The following FLT1 variants were observed in gnomAD, a reference collection of about 807,000 sequenced individuals.
FLT1 encodes the protein vascular endothelial growth factor receptor 1.
Under a neutral mutation model 156.3 loss-of-function variants are expected in FLT1, and 49 were observed. The ratio of observed to expected loss-of-function variants is 0.31; its 90% CI spans 0.25 to 0.40. The LOEUF (loss-of-function observed/expected upper bound fraction) is 0.40, where lower values mean the gene tolerates loss of function less well. Ranked by LOEUF, FLT1 falls within the 10% of genes least tolerant of loss-of-function variation. The pLI is 1.00. For missense variants in FLT1, 1,322 were observed against 1,637.2 expected (o/e 0.81, Z 3.32); for synonymous variants, 594 against 583.8 (o/e 1.02, Z -0.25).
rs771359404 is a variant in FLT1, at chr13:28,434,037, T to C, written c.676+21A>G. 20 of 1,614,178 alleles carry C rather than the reference T, an allele frequency of 1.2e-5. No homozygotes were observed. In the South Asian group the frequency reaches 2.0e-4, roughly 16 times the overall value. On this transcript the variant is annotated intron_variant, in intron 5 of 29. Coordinates refer to ENST00000282397, the MANE Select transcript of FLT1 (RefSeq NM_002019.4). ...TACAGAGCACTTCGGCTTATGTTCATGCCTTTGAAGCATCACTTACTTTGT... is the reference window on the plus strand; with the variant it reads ...TACAGAGCACTTCGGCTTATGTTCACGCCTTTGAAGCATCACTTACTTTGT...
chr13:28,456,711 G>A (rs1017021921), intron 3 of FLT1, among the ~76,000 whole-genome samples: 2 of 151,698 alleles, frequency 1.3e-5, no homozygotes, highest in African/African-American at 4.8e-5. Context: ...CAGGAGAATC[G>A]TTTGAACCCT....
chr13:28,301,742 T>C lies in FLT1; in HGVS notation c.*1425A>G, dbSNP rs1164825119. The C allele has an allele frequency of 4.3e-6, 1 of 233,180 alleles. No individual in the cohort carries two copies. The highest frequency in any genetic ancestry group is 2.2e-5 in the African/African-American group (1 of 45,398). 14.4% of individuals were successfully genotyped at this position (233,180 alleles called of 1,614,324 possible). On this transcript the variant is annotated 3_prime_UTR_variant, in exon 30 of 30. Coordinates refer to ENST00000282397, the MANE Select transcript of FLT1 (RefSeq NM_002019.4). ...CACTTGATCTTTAGACCCTGAAGAGTAGGCGCCCTTTCCTACCCTGTCTCC... is the reference window on the plus strand; with the variant it reads ...CACTTGATCTTTAGACCCTGAAGAGCAGGCGCCCTTTCCTACCCTGTCTCC...
At chr13:28,436,283 C>T (rs527395100) in intron 4 of FLT1, among the ~76,000 whole-genome samples, 142 of 151,874 alleles carry the variant, frequency 9.3e-4, no homozygotes, top group African/African-American at 3.2e-3. Context: ...ACCATGGCTC[C>T]GACAAAGCAG....
Position 28,430,059 on chromosome 13 carries a change from T to C in FLT1, c.1097A>G (p.Glu366Gly), listed in dbSNP as rs764034330. ...SMKVKAFPSP[E>G]VVWLKDGLPA... Reference sequence around the variant, plus strand: ...ATAAGGATGGTCCTACCATACAACTTCCGGCGAGGGAAATGCCTTCACTTT... The same window carrying C: ...ATAAGGATGGTCCTACCATACAACTCCCGGCGAGGGAAATGCCTTCACTTT... Residue 366 changes from glutamate (E) to glycine (G), a missense_variant, in exon 8 of 30, where the codon GAA becomes GGA. Glu to Gly is a moderately conservative substitution (Grantham distance 98, BLOSUM62 -2). This residue lies in a region of FLT1 where 991 missense variants were observed against 1,254.8 expected (regional missense o/e 0.79). Coordinates refer to ENST00000282397, the MANE Select transcript of FLT1 (RefSeq NM_002019.4). The C allele has an allele frequency of 1.9e-6, 3 of 1,608,786 alleles. No individual in the cohort carries two copies. The highest frequency in any genetic ancestry group is 2.6e-6 in the Non-Finnish European group (3 of 1,175,160).
intron 11 of FLT1, among the ~76,000 whole-genome samples, chr13:28,398,198 C>T (rs1875182729): frequency 6.6e-6 from 1 of 152,194 alleles, no homozygotes; most frequent in Non-Finnish European, 1.5e-5. Flanking sequence ...ACTTATAAAT[C>T]TTTGCAGCCT....
intron 14 of FLT1, among the ~76,000 whole-genome samples, chr13:28,366,210 A>G (rs528028489): frequency 2.6e-5 from 4 of 152,338 alleles, no homozygotes; most frequent in South Asian, 2.1e-4. Flanking sequence ...GATGCAAGAT[A>G]TATTTGATGT....
At chr13:28,303,576 C>T (rs1044238085) in intron 29 of FLT1, among the ~76,000 whole-genome samples, 1 of 147,118 alleles carries the variant, frequency 6.8e-6, no homozygotes, top group Non-Finnish European at 1.5e-5. Context: ...TGTCATTGGG[C>T]AGAAAGACAG....
chr13:28,433,754 C>T (rs1248223661), intron 6 of FLT1, 65 bp downstream of exon 6: 3 of 1,486,480 alleles, frequency 2.0e-6, no homozygotes, highest in Non-Finnish European at 2.8e-6. Flanking sequence ...ATCTCAAAAC[C>T]CCTGCGGGAT....
chr13:28,325,255 TC>T (rs1301215483), intron 20 of FLT1, among the ~76,000 whole-genome samples: 1 of 152,138 alleles, frequency 6.6e-6, no homozygotes, highest in Non-Finnish European at 1.5e-5. Flanking sequence ...CTGAAGCCAG[TC>T]CAAAATTTCA....
chr13:28,328,190 T>C (rs572572300), intron 19 of FLT1: 20 of 152,432 alleles, frequency 1.3e-4, no homozygotes, highest in African/African-American at 4.6e-4. Context: ...AACACAGAGA[T>C]TGGAATTTCA....
At chr13:28,378,476 A>G (rs1288667739) in intron 14 of FLT1, among the ~76,000 whole-genome samples, 1 of 152,246 alleles carries the variant, frequency 6.6e-6, no homozygotes, top group Non-Finnish European at 1.5e-5. Flanking sequence ...GCTAACATTT[A>G]GTTATGCTCA....
At chr13:28,454,320 T>A (rs1169453992) in intron 3 of FLT1, among the ~76,000 whole-genome samples, 1 of 152,126 alleles carries the variant, frequency 6.6e-6, no homozygotes, top group Non-Finnish European at 1.5e-5. Flanking sequence ...CTCTTCTCAT[T>A]TTACAGTTGA....
intron 25 of FLT1, among the ~76,000 whole-genome samples, chr13:28,313,570 G>A (rs1281312851): frequency 6.6e-6 from 1 of 152,158 alleles, no homozygotes; most frequent in African/African-American, 2.4e-5. Flanking sequence ...GCACTATGTG[G>A]GCTGGGCCTC....
intron 25 of FLT1, among the ~76,000 whole-genome samples, chr13:28,314,531 T>C (rs1203611274): frequency 6.6e-6 from 1 of 152,200 alleles, no homozygotes; most frequent in Admixed American, 6.5e-5. Flanking sequence ...TTAGTAAAGT[T>C]ATGAGACATT....
rs1263065033 is a variant in FLT1 at position 28,427,794 on chromosome 13, A to T, written c.1234T>A (p.Ser412Thr). ...GCAGTGAGGTTTTTAAACACATTTG[A>T]CTGTTTTATGCTCAGCAAGATTGTA... is the stretch of plus-strand genomic sequence containing the variant. ...NYTILLSIKQ[S>T]NVFKNLTATL... Residue 412 changes from serine (S) to threonine (T), a missense_variant, in exon 9 of 30, where the codon TCA (serine) becomes ACA (threonine). This residue lies in a region of FLT1 where 991 missense variants were observed against 1,254.8 expected (regional missense o/e 0.79). Coordinates refer to ENST00000282397, the MANE Select transcript of FLT1 (RefSeq NM_002019.4). 1.2e-6 allele frequency: 2 copies of T among 1,613,920 alleles called. No homozygotes were observed. Among genetic ancestry groups the T allele is most frequent in the South Asian group, 1.1e-5 (1 of 91,078 alleles).
intron 14 of FLT1, among the ~76,000 whole-genome samples, chr13:28,378,118 G>A (rs553615730): frequency 6.7e-6 from 1 of 148,352 alleles, no homozygotes; most frequent in Non-Finnish European, 1.5e-5. Flanking sequence ...GCGTGATCTC[G>A]GCTCACTGCA....
At position 28,329,608 on chromosome 13, in the gene FLT1, C is replaced by G. The variant is rs778117796; in HGVS notation, c.2707+7G>C. ...GAGACGGAGCCGGCCCTCCCCTTCT[C>G]CATTACCTCCTTGCTTGGTGCAGGC... On this transcript the variant is annotated splice_region_variant and intron_variant, in intron 19 of 29. Coordinates refer to ENST00000282397, the MANE Select transcript of FLT1 (RefSeq NM_002019.4). 6.2e-7 allele frequency: 1 copy of G among 1,603,896 alleles called. No individual in the cohort carries two copies. The highest frequency in any genetic ancestry group is 2.2e-5 in the East Asian group (1 of 44,822).
Position 28,376,829 on chromosome 13 carries a change from G to A in FLT1, c.2116+8056C>T, listed in dbSNP as rs187077941. On this transcript the variant is annotated intron_variant, in intron 14 of 29. Coordinates refer to ENST00000282397, the MANE Select transcript of FLT1 (RefSeq NM_002019.4). ...TTGGAGAGCTGCCAGTCCTTTAGGC[G>A]GGTGGCCTGAAGAGGGAGTAAAGAC... Among the ~76,000 whole-genome samples the A allele has an allele frequency of 5.9e-4, 90 of 152,302 alleles. 1 individual carries two copies. Among genetic ancestry groups the A allele is most frequent in the African/African-American group, 1.9e-3 (79 of 41,568 alleles).
intron 16 of FLT1, among the ~76,000 whole-genome samples, chr13:28,342,499 G>A (rs2138855562): frequency 6.6e-6 from 1 of 152,250 alleles, no homozygotes; most frequent in East Asian, 1.9e-4. Flanking sequence ...AGTGGACTTA[G>A]TTGTCATGTC....
Sources: gnomAD v4.1 joint callset for allele counts (sites outside exome capture counted in the v4.1 genomes callset) on GRCh38, gnomAD v4.1.1 for gene constraint, gnomAD v4.1.1 regional missense constraint, MANE v1.5 for transcripts, NCBI Gene and HGNC (gene_info 2026-07-23, HGNC 2026-07-21) for gene names.